Variants in CYP39A1 observed in about 807,000 individuals in gnomAD.
The protein encoded by CYP39A1 is 24-hydroxycholesterol 7-alpha-hydroxylase.
CYP39A1 carries 49 observed loss-of-function variants against 58.1 expected under a neutral mutation model. That is an observed-to-expected ratio of 0.84 (90% confidence interval 0.67 to 1.07). The LOEUF (loss-of-function observed/expected upper bound fraction) is 1.07. Ranked by LOEUF, CYP39A1 falls within the 50% of genes least tolerant of loss-of-function variation. The pLI, the probability that CYP39A1 is intolerant of heterozygous loss-of-function variation, is 0.00. For missense variants in CYP39A1, 531 were observed against 539.4 expected, an observed-to-expected ratio of 0.98 and a Z score of 0.16; for synonymous variants, 209 against 187.6, an observed-to-expected ratio of 1.11 and a Z score of -0.93.
At chr6:46,578,338 T>C (rs1476074397) in intron 10 of CYP39A1, among the ~76,000 whole-genome samples, 2 of 151,744 alleles carry the variant, frequency 1.3e-5, no homozygotes, top group Non-Finnish European at 2.9e-5. Flanking sequence ...GATCTCAAAT[T>C]AACAATCTAA....
chr6:46,647,168 T>C (rs548789448), intron 1 of CYP39A1, among the ~76,000 whole-genome samples: 1 of 152,150 alleles, frequency 6.6e-6, no homozygotes, highest in Non-Finnish European at 1.5e-5. Context: ...CACATAGTGA[T>C]AGAAATTATG....
Position 46,636,384 on chromosome 6 carries a change from C to T in CYP39A1, c.732+5G>A. ...ATTAGCAAAAGAAAGGTAAGAAATACTTACCATGGAATTATCTTTTGCAGA... is the reference window on the plus strand; with the variant it reads ...ATTAGCAAAAGAAAGGTAAGAAATATTTACCATGGAATTATCTTTTGCAGA... On this transcript the variant is annotated splice_donor_5th_base_variant and intron_variant, in intron 5 of 11. Coordinates refer to ENST00000275016, the MANE Select transcript of CYP39A1 (RefSeq NM_016593.5). 6.4e-7 allele frequency: 1 copy of T among 1,564,706 alleles called. No individual in the cohort carries two copies. The highest frequency in any genetic ancestry group is 8.8e-7 in the Non-Finnish European group (1 of 1,141,390).
intron 7 of CYP39A1, among the ~76,000 whole-genome samples, chr6:46,608,009 G>GAATA (rs1263274259): frequency 6.6e-6 from 1 of 152,090 alleles, no homozygotes; most frequent in Non-Finnish European, 1.5e-5. Flanking sequence ...AATGAACTTG[G>GAATA]AATAAATATA....
intron 10 of CYP39A1, among the ~76,000 whole-genome samples, chr6:46,567,039 GTACAA>G (rs1271998926): frequency 2.0e-5 from 3 of 151,954 alleles, no homozygotes; most frequent in East Asian, 3.9e-4. Flanking sequence ...ACTGTCAATT[GTACAA>G]TACATTATTA....
rs767348209 is a variant in CYP39A1, at chr6:46,639,665, G to A, written c.317C>T (p.Ser106Leu). 33 of 1,610,960 alleles carry A rather than the reference G, an allele frequency of 2.0e-5. No individual in the cohort carries two copies. The highest frequency in any genetic ancestry group is 2.7e-5 in the Non-Finnish European group (32 of 1,178,456). ...AVQNIVYRTA[S>L]IPKNVFLALH... The stretch of plus-strand genomic sequence containing the variant: ...TGCTAAAAAGACATTCTTTGGAATT[G>A]ATGCTATGAACAAAGAAAACTATTT... Residue 106 changes from serine to leucine, a missense_variant, in exon 3 of 12, where the codon TCA becomes TTA. Coordinates refer to ENST00000275016, the MANE Select transcript of CYP39A1 (RefSeq NM_016593.5).
intron 8 of CYP39A1, among the ~76,000 whole-genome samples, chr6:46,588,862 A>G (rs1230646992): frequency 1.3e-5 from 2 of 152,148 alleles, no homozygotes; most frequent in East Asian, 1.9e-4. Context: ...TTCCTGATTC[A>G]TATGACAACA....
At chr6:46,645,426 TA>T (rs1223338878) in intron 1 of CYP39A1, among the ~76,000 whole-genome samples, 4 of 152,162 alleles carry the variant, frequency 2.6e-5, no homozygotes, top group Non-Finnish European at 5.9e-5. Flanking sequence ...ACCATTTGTT[TA>T]AAAAGGCCAT....
At chr6:46,557,044 CA>C (rs1274801148) in intron 10 of CYP39A1, among the ~76,000 whole-genome samples, 4 of 151,728 alleles carry the variant, frequency 2.6e-5, no homozygotes, top group Non-Finnish European at 4.4e-5. Context: ...ATGAAAAATA[CA>C]ATATCTTAAA....
intron 9 of CYP39A1, 90 bp from the exon 10 acceptor site, chr6:46,587,255 C>T (rs1427514389): frequency 2.9e-5 from 24 of 828,748 alleles, no homozygotes; most frequent in Non-Finnish European, 4.5e-5. Context: ...CCTTGTACAG[C>T]TAATCCTTGC....
intron 7 of CYP39A1, among the ~76,000 whole-genome samples, chr6:46,603,384 A>T (rs1773633923): frequency 6.6e-6 from 1 of 152,262 alleles, no homozygotes; most frequent in African/African-American, 2.4e-5. Context: ...GGGCTAGATG[A>T]ATATACAGTT....
intron 6 of CYP39A1, among the ~76,000 whole-genome samples, chr6:46,626,411 T>C (rs934153593): frequency 1.3e-5 from 2 of 152,202 alleles, no homozygotes; most frequent in Non-Finnish European, 2.9e-5. Context: ...ATTCATGCAA[T>C]ATTTTGACTA....
At chr6:46,597,550 T>C (rs970749305) in intron 7 of CYP39A1, among the ~76,000 whole-genome samples, 1 of 152,088 alleles carries the variant, frequency 6.6e-6, no homozygotes, top group African/African-American at 2.4e-5. Context: ...AGTATATATA[T>C]ATTAAATTAG....
intron 1 of CYP39A1, among the ~76,000 whole-genome samples, chr6:46,643,161 A>G (rs1228261173): frequency 1.3e-5 from 2 of 152,154 alleles, no homozygotes; most frequent in Non-Finnish European, 2.9e-5. Flanking sequence ...TGGGAAAAAA[A>G]AGTCATCATT....
At chr6:46,579,748 C>T (rs994637671) in intron 10 of CYP39A1, among the ~76,000 whole-genome samples, 7 of 152,126 alleles carry the variant, frequency 4.6e-5, no homozygotes, top group Admixed American at 4.6e-4. Context: ...GAATGCACTC[C>T]CATTCACAAC....
chr6:46,641,247 A>C (rs1418736091), intron 2 of CYP39A1, among the ~76,000 whole-genome samples: 1 of 152,146 alleles, frequency 6.6e-6, no homozygotes, highest in Non-Finnish European at 1.5e-5. Context: ...AGGCCTTCAA[A>C]ATATTTATAT....
chr6:46,552,171 T>C (rs968935597), intron 11 of CYP39A1, among the ~76,000 whole-genome samples: 1 of 152,226 alleles, frequency 6.6e-6, no homozygotes, highest in East Asian at 1.9e-4. Flanking sequence ...AAAGGCATTC[T>C]GGTGTCCTCT....
chr6:46,610,042 G>T (rs138881259), intron 7 of CYP39A1, among the ~76,000 whole-genome samples: 1 of 152,072 alleles, frequency 6.6e-6, no homozygotes, highest in African/African-American at 2.4e-5. Flanking sequence ...TTCTTTATAG[G>T]TTCTCTCCAT....
intron 10 of CYP39A1, among the ~76,000 whole-genome samples, chr6:46,560,388 T>A (rs1169280883): frequency 6.6e-6 from 1 of 152,196 alleles, no homozygotes; most frequent in Non-Finnish European, 1.5e-5. Flanking sequence ...TCTGGATATA[T>A]TCTGTAGGAT....
chr6:46,596,319 CA>C (rs1223164292), intron 7 of CYP39A1, among the ~76,000 whole-genome samples, 199 bp from the exon 8 acceptor site: 2 of 151,966 alleles, frequency 1.3e-5, no homozygotes. Flanking sequence ...ATGTATGACA[CA>C]AAAAACTAAG....
Sources: gnomAD v4.1 joint callset for allele counts (sites outside exome capture counted in the v4.1 genomes callset) on GRCh38, gnomAD v4.1.1 for gene constraint, MANE v1.5 for transcripts, NCBI Gene and HGNC (gene_info 2026-07-23, HGNC 2026-07-21) for gene names.